The following TMOD3 variants were observed in gnomAD, a reference collection of about 807,000 sequenced individuals.
TMOD3 encodes the protein tropomodulin-3.
TMOD3 carries 20 observed loss-of-function variants against 39.2 expected under a neutral mutation model. The observed-to-expected ratio is 0.51, with a 90% CI of 0.36 to 0.74. The LOEUF (loss-of-function observed/expected upper bound fraction) is 0.74. Ranked by LOEUF, TMOD3 falls within the 30% of genes least tolerant of loss-of-function variation. The probability of loss-of-function intolerance (pLI) is 0.00; values close to 1 mark genes in which losing one functional copy is unlikely to be tolerated. For missense variants in TMOD3, 381 were observed against 412.8 expected (o/e 0.92, Z 0.67); for synonymous variants, 143 against 145.8 (o/e 0.98, Z 0.14).
At position 51,899,304 on chromosome 15, in the gene TMOD3, A is replaced by G. The variant is rs537794444; in HGVS notation, c.736-851A>G. 4.6e-5 allele frequency among the ~76,000 whole-genome samples: 7 copies of G among 152,364 alleles called. No homozygotes were observed. The South Asian group carries it at 1.4e-3, about 32-fold the overall frequency. ...AAGCATGAAGTAGGGAATGAGGAGT[A>G]GAGAATGTCACCAACGGGGAATTAC... On this transcript the variant is annotated intron_variant, in intron 7 of 9. Coordinates refer to ENST00000308580, the MANE Select transcript of TMOD3 (RefSeq NM_014547.5).
At chr15:51,886,414 C>T (rs982240126) in intron 3 of TMOD3, among the ~76,000 whole-genome samples, 9 of 152,238 alleles carry the variant, frequency 5.9e-5, no homozygotes, top group African/African-American at 1.2e-4. Flanking sequence ...TCTGCAATCC[C>T]GGCACCTCGG....
At chr15:51,895,956 A>G (rs1176728345) in intron 6 of TMOD3, among the ~76,000 whole-genome samples, 6 of 152,080 alleles carry the variant, frequency 3.9e-5, no homozygotes, top group African/African-American at 1.4e-4. Context: ...TAAAAATACA[A>G]AATTAGCTGG....
intron 1 of TMOD3, among the ~76,000 whole-genome samples, chr15:51,840,647 A>T (rs915570982): frequency 4.6e-5 from 7 of 152,358 alleles, no homozygotes; most frequent in Middle Eastern, 3.4e-3. Flanking sequence ...GATGTATTAT[A>T]ATAATTTCTC....
chr15:51,868,861 A>G (rs538448968), intron 2 of TMOD3, among the ~76,000 whole-genome samples: 1 of 152,312 alleles, frequency 6.6e-6, no homozygotes, highest in East Asian at 1.9e-4. Flanking sequence ...AATCCCAGCT[A>G]CTTGGGAGTC....
chr15:51,906,323 C>T (rs1029022275), intron 9 of TMOD3, among the ~76,000 whole-genome samples: 9 of 152,208 alleles, frequency 5.9e-5, no homozygotes, highest in Admixed American at 1.3e-4. Context: ...GAAACTTGTA[C>T]AGAATCTCCT....
intron 1 of TMOD3, among the ~76,000 whole-genome samples, chr15:51,850,361 T>TTGCTA (rs2056355381): frequency 6.6e-6 from 1 of 152,044 alleles, no homozygotes; most frequent in South Asian, 2.1e-4. Context: ...GACTGGACAG[T>TTGCTA]TTATCCATAA....
At chr15:51,885,976 C>T (rs1165540946) in intron 3 of TMOD3, among the ~76,000 whole-genome samples, 3 of 151,738 alleles carry the variant, frequency 2.0e-5, no homozygotes, top group Admixed American at 2.0e-4. Context: ...CCCCTACCTC[C>T]CTCCCGGACG....
chr15:51,893,559 A>T (rs1272416807), intron 5 of TMOD3, among the ~76,000 whole-genome samples: 1 of 151,916 alleles, frequency 6.6e-6, no homozygotes, highest in African/African-American at 2.4e-5. Flanking sequence ...AGGTCAGGAG[A>T]TAGAGACCAT....
chr15:51,888,736 G>A (rs1036850545), intron 4 of TMOD3, among the ~76,000 whole-genome samples: 6 of 152,108 alleles, frequency 3.9e-5, no homozygotes, highest in Non-Finnish European at 7.4e-5. Context: ...TTAATGAACG[G>A]CAAAAATAGA....
chr15:51,849,558 G>A (rs989426014), intron 1 of TMOD3, among the ~76,000 whole-genome samples: 1 of 152,136 alleles, frequency 6.6e-6, no homozygotes, highest in Non-Finnish European at 1.5e-5. Context: ...GGGGCAGTCA[G>A]GGAGGAAGGA....
At chr15:51,859,351 C>T (rs1458584508) in intron 1 of TMOD3, 10 of 706,560 alleles carry the variant, frequency 1.4e-5, no homozygotes, top group South Asian at 1.2e-4. Context: ...TCAGAATCTA[C>T]AGATCCAAAC....
At chr15:51,880,928 T>G (rs2056530079) in intron 3 of TMOD3, among the ~76,000 whole-genome samples, 1 of 152,232 alleles carries the variant, frequency 6.6e-6, no homozygotes, top group Non-Finnish European at 1.5e-5. Flanking sequence ...GTATTGTACC[T>G]TCTCACCAGT....
At chr15:51,904,249 C>T (rs1024455778) in intron 9 of TMOD3, among the ~76,000 whole-genome samples, 2 of 152,168 alleles carry the variant, frequency 1.3e-5, no homozygotes, top group African/African-American at 4.8e-5. Flanking sequence ...TTTAAATTGC[C>T]TTTTACTCAG....
rs192085028 is a variant in TMOD3, at chr15:51,857,105, A to T, written c.-74-5706A>T. 3.9e-5 allele frequency among the ~76,000 whole-genome samples: 6 copies of T among 152,344 alleles called. No individual in the cohort carries two copies. In the East Asian group the frequency reaches 7.7e-4, roughly 20 times the overall value. On this transcript the variant is annotated intron_variant, in intron 1 of 9. Coordinates refer to ENST00000308580, the MANE Select transcript of TMOD3 (RefSeq NM_014547.5). Reference sequence around the variant, plus strand: ...GCATCAACTCAAAACAATGAACAACATTAAATGAAAAAAGCAAGTCACAGA... The same window carrying T: ...GCATCAACTCAAAACAATGAACAACTTTAAATGAAAAAAGCAAGTCACAGA...
chr15:51,838,731 A>T (rs957725698), intron 1 of TMOD3, among the ~76,000 whole-genome samples: 1 of 152,132 alleles, frequency 6.6e-6, no homozygotes. Context: ...TTTTCCCTGT[A>T]GCCCCAGCCC....
At chr15:51,868,990 C>G (rs2056461106) in intron 2 of TMOD3, among the ~76,000 whole-genome samples, 1 of 152,064 alleles carries the variant, frequency 6.6e-6, no homozygotes, top group Admixed American at 6.6e-5. Flanking sequence ...AGAAACTGTA[C>G]TAATGTATGT....
chr15:51,904,333 A>G (rs920874262), intron 9 of TMOD3, among the ~76,000 whole-genome samples: 2 of 152,252 alleles, frequency 1.3e-5, no homozygotes, highest in Admixed American at 6.5e-5. Context: ...TGTTGTTGGC[A>G]GGGGCCATGT....
At chr15:51,906,877 A>C (rs2056684177) in intron 9 of TMOD3, among the ~76,000 whole-genome samples, 1 of 151,888 alleles carries the variant, frequency 6.6e-6, no homozygotes, top group African/African-American at 2.4e-5. Context: ...AAAATTAGCC[A>C]GGTGTGGTGT....
intron 1 of TMOD3, among the ~76,000 whole-genome samples, chr15:51,843,259 A>T (rs1466594937): frequency 6.6e-6 from 1 of 152,214 alleles, no homozygotes; most frequent in Non-Finnish European, 1.5e-5. Flanking sequence ...TTGTTTAAGA[A>T]GAGTGACATC....
Sources: gnomAD v4.1 joint callset for allele counts (sites outside exome capture counted in the v4.1 genomes callset) on GRCh38, gnomAD v4.1.1 for gene constraint, MANE v1.5 for transcripts, NCBI Gene and HGNC (gene_info 2026-07-23, HGNC 2026-07-21) for gene names.